Variants in DISC1 observed in about 807,000 individuals in gnomAD.
The protein encoded by DISC1 is DISC1 scaffold protein.
In DISC1, 57 loss-of-function variants were observed where a neutral mutation model predicts 84.5. The ratio of observed to expected loss-of-function variants is 0.67; its 90% CI spans 0.55 to 0.84. The LOEUF is 0.84. Ranked by LOEUF, DISC1 falls within the 40% of genes least tolerant of loss-of-function variation. The pLI is 0.00. For missense variants in DISC1, 1,000 were observed against 1,057.8 expected (o/e 0.95, Z 0.76); for synonymous variants, 411 against 415.2 (o/e 0.99, Z 0.12).
At chr1:232,033,852 T>C (rs1214215458) in intron 12 of DISC1, among the ~76,000 whole-genome samples, 1 of 152,208 alleles carries the variant, frequency 6.6e-6, no homozygotes, top group Non-Finnish European at 1.5e-5. Flanking sequence ...AAAATAAAGC[T>C]GTTTCCCTCC....
intron 9 of DISC1, among the ~76,000 whole-genome samples, chr1:231,952,891 C>T (rs1158750104): frequency 6.6e-6 from 1 of 151,950 alleles, no homozygotes; most frequent in Non-Finnish European, 1.5e-5. Context: ...TTTGGCCTCC[C>T]CTGAATTTAG....
At chr1:231,842,827 GA>G (rs917220644) in intron 9 of DISC1, among the ~76,000 whole-genome samples, 14 of 152,050 alleles carry the variant, frequency 9.2e-5, no homozygotes, top group African/African-American at 3.4e-4. Flanking sequence ...CTTATTTAAA[GA>G]AAAAAATATA....
rs141270877 is a variant in DISC1, at chr1:231,694,347, C to A, written c.589C>A (p.Pro197Thr). ...CCCTGGCTGTGGCCCTGAGGTCCCC[C>A]CAACCCCTCCTGGCTCTCACAGTGC... Reference protein sequence around the residue: ...CSPGCGPEVPPTPPGSHSAFT... With the variant: ...CSPGCGPEVPTTPPGSHSAFT... Residue 197 changes from proline to threonine, a missense_variant, in exon 2 of 13, where the codon CCA becomes ACA. Around this residue, in one of 3 missense-constraint regions of DISC1, gnomAD observed 292 missense variants for 280.2 expected, o/e 1.04. Transcript: ENST00000439617. 9.9e-6 allele frequency: 16 copies of A among 1,614,130 alleles called. No individual in the cohort carries two copies. The highest frequency in any genetic ancestry group is 1.7e-5 in the Admixed American group (1 of 60,018).
rs143787727 is a variant in DISC1, at chr1:231,698,272, A to G, written c.1047+3467A>G. Among the ~76,000 whole-genome samples, 1,129 of 152,332 alleles carry G rather than the reference A, an allele frequency of 7.4e-3. 14 individuals are homozygous for G. The highest frequency in any genetic ancestry group is 0.025 in the African/African-American group (1,038 of 41,564). ...AGTATTCACAGAAACTTTATAGAACATAACTACAGTACTGTGAATAAGGAG... is the reference window on the plus strand; with the variant it reads ...AGTATTCACAGAAACTTTATAGAACGTAACTACAGTACTGTGAATAAGGAG... On this transcript the variant is annotated intron_variant, in intron 2 of 12. Transcript: ENST00000439617. The surrounding 1 kb of genome is among the most constrained non-coding windows in gnomAD (Gnocchi z 4.9).
intron 3 of DISC1, among the ~76,000 whole-genome samples, chr1:231,724,940 G>T (rs557355731): frequency 1.3e-5 from 2 of 152,302 alleles, no homozygotes; most frequent in East Asian, 3.9e-4. Flanking sequence ...TACAGGATTT[G>T]GTCTACATCC....
intron 9 of DISC1, among the ~76,000 whole-genome samples, chr1:231,912,742 CTTCTTTCT>C (rs72513675): frequency 0.26 from 34,100 of 131,820 alleles, 4,463 homozygotes; most frequent in Non-Finnish European, 0.3. Context: ...GCAGCTTGCT[CTTCTTTCT>C]TTCTTTCTTT....
intron 9 of DISC1, among the ~76,000 whole-genome samples, chr1:231,870,120 G>A (rs2085351860): frequency 6.6e-6 from 1 of 152,104 alleles, no homozygotes; most frequent in Non-Finnish European, 1.5e-5. Flanking sequence ...AGTGAGGAAG[G>A]CTCAGAAGAT....
intron 8 of DISC1, among the ~76,000 whole-genome samples, chr1:231,814,505 G>T (rs1171157960): frequency 6.6e-6 from 1 of 152,144 alleles, no homozygotes; most frequent in African/African-American, 2.4e-5. Context: ...AAAATAAATT[G>T]GTTAAGGTTT....
rs200326830 is a variant in DISC1, at chr1:231,759,997, C to A, written c.1269-7143C>A. 1.1e-3 allele frequency among the ~76,000 whole-genome samples: 167 copies of A among 152,330 alleles called. 1 individual carries two copies. The highest frequency in any genetic ancestry group is 2.0e-3 in the Admixed American group (30 of 15,304). Reference sequence around the variant, plus strand: ...TATCATCCTCTTTGTTCAAACTCAACTGAAGTCTGTCCTGAGGCCAGTGGC... The same window carrying A: ...TATCATCCTCTTTGTTCAAACTCAAATGAAGTCTGTCCTGAGGCCAGTGGC... On this transcript the variant is annotated intron_variant, in intron 4 of 12. Coordinates refer to ENST00000439617, the MANE Select transcript of DISC1 (RefSeq NM_018662.3).
At position 231,630,095 on chromosome 1, in the gene DISC1, T is replaced by G. The variant is rs1321502970; in HGVS notation, c.67+3161T>G. Among the ~76,000 whole-genome samples, 1 of 152,108 alleles carries G rather than the reference T, an allele frequency of 6.6e-6. No individual in the cohort carries two copies. The highest frequency in any genetic ancestry group is 1.5e-5 in the Non-Finnish European group (1 of 68,014). Reference sequence around the variant, plus strand: ...ACAGGCGCCCACCACCACATCCAGCTAATTTTTGTATTTTTAATACAGACA... The same window carrying G: ...ACAGGCGCCCACCACCACATCCAGCGAATTTTTGTATTTTTAATACAGACA... On this transcript the variant is annotated intron_variant, in intron 1 of 12. Coordinates refer to ENST00000439617, the MANE Select transcript of DISC1 (RefSeq NM_018662.3). The surrounding 1 kb of genome is among the most constrained non-coding windows in gnomAD (Gnocchi z 4.4).
At chr1:231,778,172 C>G (rs2077101467) in intron 6 of DISC1, among the ~76,000 whole-genome samples, 1 of 152,110 alleles carries the variant, frequency 6.6e-6, no homozygotes, top group Non-Finnish European at 1.5e-5. Flanking sequence ...CTGGGAAGAC[C>G]AAACAGGCAA....
At chr1:231,760,780 A>G (rs976211944) in intron 4 of DISC1, among the ~76,000 whole-genome samples, 1 of 152,196 alleles carries the variant, frequency 6.6e-6, no homozygotes, top group Non-Finnish European at 1.5e-5. Flanking sequence ...TCTCACTTGC[A>G]GAGCCTTCTG....
chr1:232,026,288 A>G (rs1669458684), intron 11 of DISC1, 147 bp from the exon 12 acceptor site: 1 of 615,166 alleles, frequency 1.6e-6, no homozygotes, highest in African/African-American at 1.9e-5. Context: ...ACAACTTCTC[A>G]AGTTTGATAC....
intron 8 of DISC1, among the ~76,000 whole-genome samples, chr1:231,814,569 T>C (rs2080702456): frequency 6.6e-6 from 1 of 152,188 alleles, no homozygotes; most frequent in South Asian, 2.1e-4. Context: ...TTGGACTCAA[T>C]GTTGTCGAGG....
At chr1:231,975,022 C>A (rs772424768) in intron 10 of DISC1, among the ~76,000 whole-genome samples, 34 of 152,146 alleles carry the variant, frequency 2.2e-4, no homozygotes, top group Admixed American at 1.4e-3. Flanking sequence ...ATTGCTTGAA[C>A]CTGGGAGGCA....
chr1:231,896,088 A>C (rs1335865032), intron 9 of DISC1, among the ~76,000 whole-genome samples: 1 of 152,102 alleles, frequency 6.6e-6, no homozygotes, highest in African/African-American at 2.4e-5. Context: ...TCCTACCACT[A>C]CATTCCCCCT....
intron 10 of DISC1, among the ~76,000 whole-genome samples, chr1:232,007,071 GC>G (rs1667545752): frequency 6.6e-6 from 1 of 152,208 alleles, no homozygotes; most frequent in Non-Finnish European, 1.5e-5. Flanking sequence ...GGGAACCTCT[GC>G]CTAGATTTCA....
intron 3 of DISC1, among the ~76,000 whole-genome samples, chr1:231,728,886 A>G (rs2071125875): frequency 6.6e-6 from 1 of 152,198 alleles, no homozygotes; most frequent in Admixed American, 6.5e-5. Context: ...GTACATGTGC[A>G]CAACGTGCAG....
At chr1:231,721,409 G>A (rs915507610) in intron 3 of DISC1, among the ~76,000 whole-genome samples, 2 of 152,134 alleles carry the variant, frequency 1.3e-5, no homozygotes, top group Non-Finnish European at 2.9e-5. Flanking sequence ...TTGAGGATTT[G>A]GCTTCATGCT....
Sources: allele counts gnomAD v4.1 joint callset (sites outside exome capture counted in the v4.1 genomes callset), GRCh38; gene constraint gnomAD v4.1.1; regional missense constraint gnomAD v4.1.1; non-coding constraint Gnocchi (gnomAD v3.1); transcripts MANE v1.5; gene names NCBI Gene and HGNC (gene_info 2026-07-23, HGNC 2026-07-21).